Variants in AKAP13 observed in about 807,000 individuals in gnomAD.
AKAP13 encodes A-kinase anchoring protein 13.
AKAP13 carries 80 observed loss-of-function variants against 264.5 expected under a neutral mutation model. The ratio of observed to expected loss-of-function variants is 0.30; its 90% CI spans 0.25 to 0.36. AKAP13 has a LOEUF of 0.36. AKAP13 is among the 10% of genes least tolerant of loss of function. AKAP13 has a pLI of 1.00. For missense variants in AKAP13, 3,712 were observed against 3,435.2 expected (o/e 1.08, Z -2.01); for synonymous variants, 1,380 against 1,250.2 (o/e 1.10, Z -2.19).
At chr15:85,605,077 A>T (rs563008540) in intron 8 of AKAP13, among the ~76,000 whole-genome samples, 1 of 151,050 alleles carries the variant, frequency 6.6e-6, no homozygotes, top group South Asian at 2.1e-4. Context: ...ATCCCCATGG[A>T]TTACCTAATT....
At chr15:85,735,438 C>G (rs2088384080) in intron 31 of AKAP13, 122 bp from the exon 32 acceptor site, 1 of 1,058,738 alleles carries the variant, frequency 9.4e-7, no homozygotes, top group Non-Finnish European at 1.4e-6. Flanking sequence ...GCAGCTCCCC[C>G]TTTTTGGGGG....
intron 19 of AKAP13, among the ~76,000 whole-genome samples, chr15:85,712,299 GT>G (rs2151701914): frequency 6.6e-6 from 1 of 152,270 alleles, no homozygotes; most frequent in East Asian, 1.9e-4. Flanking sequence ...ATTTAATCTG[GT>G]TTTTATCCAT....
Position 85,708,069 on chromosome 15 carries a change from G to T in AKAP13, c.5515G>T (p.Ala1839Ser), listed in dbSNP as rs1166516650. The change falls in exon 18 of 37, where the codon GCA (alanine) becomes TCA (serine). Residue 1839 changes from alanine to serine, a missense_variant. Physicochemically the swap from Ala to Ser is moderately conservative, Grantham distance 99 (BLOSUM62 1). Transcript: ENST00000394518. The surrounding 1 kb of genome is among the most constrained non-coding windows in gnomAD (Gnocchi z 4.3). ...CTGCCGAGAAAGTCTAGCCTCCTGT[G>T]CAAAGGTCAAAATGAAGGTAAGACT... is the stretch of plus-strand genomic sequence containing the variant. ...KGCRESLASCAKVKMKQPKGS... is the reference protein window; with the variant it reads ...KGCRESLASCSKVKMKQPKGS... 3.7e-6 allele frequency: 6 copies of T among 1,613,654 alleles called. No homozygotes were observed. In the African/African-American group the frequency reaches 4.0e-5, roughly 11 times the overall value.
intron 24 of AKAP13, 24 bp from the exon 25 acceptor site, chr15:85,722,206 C>G: frequency 1.2e-6 from 2 of 1,609,922 alleles, no homozygotes; most frequent in Non-Finnish European, 1.7e-6. Context: ...TGTGATTCCT[C>G]ACAGTCTGTT....
At chr15:85,549,589 G>A (rs2151228504) in intron 5 of AKAP13, among the ~76,000 whole-genome samples, 1 of 152,252 alleles carries the variant, frequency 6.6e-6, no homozygotes, top group African/African-American at 2.4e-5. Context: ...AAATATGGAG[G>A]CTCAGATAAT....
intron 1 of AKAP13, among the ~76,000 whole-genome samples, chr15:85,446,924 A>ATTT (rs1444611023): frequency 6.6e-6 from 1 of 152,154 alleles, no homozygotes; most frequent in African/African-American, 2.4e-5. Flanking sequence ...TAAACTTAAA[A>ATTT]AAGTGAATGT....
At chr15:85,562,117 C>T (rs565399737) in intron 5 of AKAP13, among the ~76,000 whole-genome samples, 20 of 152,026 alleles carry the variant, frequency 1.3e-4, no homozygotes, top group African/African-American at 2.9e-4. Context: ...AGAATGATTA[C>T]GAGAGTAAAT....
At chr15:85,489,135 T>C (rs531701171) in intron 2 of AKAP13, among the ~76,000 whole-genome samples, 6 of 152,384 alleles carry the variant, frequency 3.9e-5, no homozygotes, top group Non-Finnish European at 8.8e-5. Context: ...TGTGATAAGA[T>C]GGCACAGCTA....
chr15:85,710,428 T>C (rs1277050513), intron 18 of AKAP13, 151 bp from the exon 19 acceptor site: 19 of 606,996 alleles, frequency 3.1e-5, no homozygotes, highest in Non-Finnish European at 4.5e-5. Flanking sequence ...AGGATGGCAA[T>C]TGGGGGCGAC....
intron 1 of AKAP13, among the ~76,000 whole-genome samples, chr15:85,411,201 G>A (rs2071947269): frequency 6.6e-6 from 1 of 152,204 alleles, no homozygotes; most frequent in Non-Finnish European, 1.5e-5. Flanking sequence ...GAACTAAACT[G>A]AGCTCCAGTA....
chr15:85,742,366 C>T (rs2089086876), intron 35 of AKAP13, among the ~76,000 whole-genome samples: 2 of 152,216 alleles, frequency 1.3e-5, no homozygotes, highest in South Asian at 4.1e-4. Context: ...AAAGAGCCTC[C>T]AGAACATGTG....
At chr15:85,610,851 C>T (rs1317482455) in intron 8 of AKAP13, among the ~76,000 whole-genome samples, 2 of 152,094 alleles carry the variant, frequency 1.3e-5, no homozygotes, top group African/African-American at 4.8e-5. Flanking sequence ...TGGTGGCAGG[C>T]GCTTGTAATC....
chr15:85,582,172 G>T, intron 7 of AKAP13, 65 bp downstream of exon 7: 2 of 1,484,406 alleles, frequency 1.3e-6, no homozygotes, highest in Non-Finnish European at 8.9e-7. Flanking sequence ...TCACTGTGGT[G>T]TCCTGGTAAA....
chr15:85,594,542 G>A (rs566448673), intron 8 of AKAP13, among the ~76,000 whole-genome samples: 8 of 152,284 alleles, frequency 5.3e-5, no homozygotes, highest in Non-Finnish European at 7.3e-5. Context: ...AGGCTTGGGC[G>A]TAGCCATTAT....
chr15:85,634,853 T>G (rs2082006344), intron 8 of AKAP13, among the ~76,000 whole-genome samples: 2 of 151,958 alleles, frequency 1.3e-5, no homozygotes, highest in African/African-American at 4.8e-5. Context: ...TTTTTTTTTT[T>G]TAACTTACCG....
At chr15:85,631,247 A>G (rs1315993316) in intron 8 of AKAP13, among the ~76,000 whole-genome samples, 1 of 152,118 alleles carries the variant, frequency 6.6e-6, no homozygotes, top group African/African-American at 2.4e-5. Context: ...ATAGAAATAC[A>G]TTCGTGGCTC....
At position 85,627,296 on chromosome 15, in the gene AKAP13, A is replaced by G. The variant is rs150508005; in HGVS notation, c.4162-12078A>G. Among the ~76,000 whole-genome samples the G allele has an allele frequency of 5.9e-5, 9 of 152,180 alleles. 1 individual carries two copies. Among genetic ancestry groups the G allele is most frequent in the African/African-American group, 2.2e-4 (9 of 41,504 alleles). ...TGGAGTACATCATCTTCTTCCCTCT[A>G]GATTTCCTATTTCTGTTCATTGTGG... is the stretch of plus-strand genomic sequence containing the variant. On this transcript the variant is annotated intron_variant, in intron 8 of 36. Transcript: ENST00000394518.
intron 1 of AKAP13, among the ~76,000 whole-genome samples, chr15:85,419,494 A>C (rs1567047384): frequency 6.6e-6 from 1 of 152,202 alleles, no homozygotes; most frequent in African/African-American, 2.4e-5. Flanking sequence ...ATTTTTATGT[A>C]TAGGATTGCT....
intron 3 of AKAP13, among the ~76,000 whole-genome samples, chr15:85,529,070 A>T (rs997945456): frequency 6.6e-6 from 1 of 152,172 alleles, no homozygotes; most frequent in Non-Finnish European, 1.5e-5. Flanking sequence ...TGGTTATTAT[A>T]TCAAATTGGA....
Sources: allele counts gnomAD v4.1 joint callset (sites outside exome capture counted in the v4.1 genomes callset), GRCh38; gene constraint gnomAD v4.1.1; non-coding constraint Gnocchi (gnomAD v3.1); transcripts MANE v1.5; gene names NCBI Gene and HGNC (gene_info 2026-07-23, HGNC 2026-07-21).